CDH7: variants seen among roughly 807,000 people sequenced by gnomAD.
The protein encoded by CDH7 is cadherin-7.
CDH7 carries 25 observed loss-of-function variants against 71.8 expected under a neutral mutation model. The ratio of observed to expected loss-of-function variants is 0.35; its 90% confidence interval spans 0.25 to 0.49. The LOEUF (loss-of-function observed/expected upper bound fraction) is 0.49, where lower values mean the gene tolerates loss of function less well. Ranked by LOEUF, CDH7 falls within the 20% of genes least tolerant of loss-of-function variation. CDH7 has a pLI of 0.99. For missense variants in CDH7, 862 were observed against 974.6 expected, an observed-to-expected ratio of 0.88 and a Z score of 1.54; for synonymous variants, 381 against 363.8, an observed-to-expected ratio of 1.05 and a Z score of -0.54.
At chr18:65,810,081 G>T in intron 3 of CDH7, 83 bp downstream of exon 3, 1 of 751,906 alleles carries the variant, frequency 1.3e-6, no homozygotes, top group Non-Finnish European at 2.1e-6. Context: ...ATTAAGTACT[G>T]AAAAAAAAAA....
chr18:65,837,144 C>T (rs1912559131), intron 6 of CDH7, among the ~76,000 whole-genome samples: 1 of 152,088 alleles, frequency 6.6e-6, no homozygotes, highest in Non-Finnish European at 1.5e-5. Context: ...TCATGAGTCA[C>T]AAAAATTTCA....
At chr18:65,785,967 G>A (rs1349340733) in intron 2 of CDH7, among the ~76,000 whole-genome samples, 3 of 152,136 alleles carry the variant, frequency 2.0e-5, no homozygotes, top group African/African-American at 7.2e-5. Context: ...AATACATGTG[G>A]TGTTGATTGC....
chr18:65,817,764 A>G (rs1911772673), intron 4 of CDH7, among the ~76,000 whole-genome samples: 1 of 152,182 alleles, frequency 6.6e-6, no homozygotes, highest in South Asian at 2.1e-4. Flanking sequence ...CTGTAATAAA[A>G]GTGCCATACT....
chr18:65,773,572 G>A (rs746186236), intron 2 of CDH7, among the ~76,000 whole-genome samples: 2 of 152,040 alleles, frequency 1.3e-5, no homozygotes, highest in Non-Finnish European at 2.9e-5. Context: ...TACAGATGAT[G>A]CGACTTCAAG....
At chr18:65,793,661 T>G (rs1029917778) in intron 2 of CDH7, among the ~76,000 whole-genome samples, 1 of 152,122 alleles carries the variant, frequency 6.6e-6, no homozygotes, top group African/African-American at 2.4e-5. Context: ...AAGTATCCTA[T>G]CATTCAGTGT....
intron 2 of CDH7, among the ~76,000 whole-genome samples, chr18:65,774,255 T>C (rs1916633264): frequency 6.6e-6 from 1 of 151,940 alleles, no homozygotes; most frequent in Non-Finnish European, 1.5e-5. Flanking sequence ...AAAAATAGGA[T>C]TTGAGACTCA....
chr18:65,816,644 G>A (rs1911734192), intron 4 of CDH7, among the ~76,000 whole-genome samples: 2 of 152,024 alleles, frequency 1.3e-5, no homozygotes, highest in Admixed American at 1.3e-4. Flanking sequence ...AAATCTCAGA[G>A]CACAAATTTC....
Position 65,824,501 on chromosome 18 carries a change from CTTTTG to C in CDH7, c.794-138_794-134del, listed in dbSNP as rs2143942338. 6.5e-6 allele frequency: 3 copies of C among 464,482 alleles called. No homozygotes were observed. In the East Asian group the frequency reaches 1.0e-4, roughly 16 times the overall value. 28.8% of individuals were successfully genotyped at this position (464,482 alleles called of 1,614,324 possible). On this transcript the variant is annotated intron_variant, in intron 5 of 11. Coordinates refer to ENST00000397968, the MANE Select transcript of CDH7 (RefSeq NM_004361.5). ...CCTCTTAAGGCTCTATGAAACTCAT[CTTTTG>C]TTTTCCATTACCTTAGCATATATTT...
At chr18:65,751,502 G>T (rs2143762169) in intron 1 of CDH7, among the ~76,000 whole-genome samples, 1 of 152,254 alleles carries the variant, frequency 6.6e-6, no homozygotes, top group South Asian at 2.1e-4. Flanking sequence ...AGGACCACAA[G>T]CAGGCTCCTC....
chr18:65,805,640 A>G (rs1181759053), intron 2 of CDH7, among the ~76,000 whole-genome samples: 1 of 152,210 alleles, frequency 6.6e-6, no homozygotes, highest in Non-Finnish European at 1.5e-5. Context: ...GAACATAGCA[A>G]TAGATGCTTC....
At chr18:65,787,875 A>G (rs1220820828) in intron 2 of CDH7, among the ~76,000 whole-genome samples, 1 of 152,044 alleles carries the variant, frequency 6.6e-6, no homozygotes, top group Non-Finnish European at 1.5e-5. Flanking sequence ...TGAGTAATAT[A>G]TTTCCTGAAA....
At chr18:65,847,983 T>A (rs1459849298) in intron 7 of CDH7, among the ~76,000 whole-genome samples, 3 of 152,064 alleles carry the variant, frequency 2.0e-5, no homozygotes, top group Non-Finnish European at 4.4e-5. Context: ...GATTTTTTTT[T>A]TTAAAGAAAA....
chr18:65,784,003 G>A (rs1175840589), intron 2 of CDH7, among the ~76,000 whole-genome samples: 1 of 151,892 alleles, frequency 6.6e-6, no homozygotes, highest in African/African-American at 2.4e-5. Flanking sequence ...GCAGGCTGGA[G>A]TGCAATGGTG....
intron 2 of CDH7, among the ~76,000 whole-genome samples, chr18:65,769,852 C>T (rs1399977041): frequency 2.6e-5 from 4 of 152,096 alleles, no homozygotes; most frequent in Non-Finnish European, 4.4e-5. Flanking sequence ...CACTGTATCA[C>T]GTCAGAAGAT....
chr18:65,875,252 T>C (rs1914041122), intron 11 of CDH7, among the ~76,000 whole-genome samples: 1 of 152,124 alleles, frequency 6.6e-6, no homozygotes, highest in South Asian at 2.1e-4. Flanking sequence ...CATAATAGAA[T>C]ACATTCATTG....
intron 2 of CDH7, among the ~76,000 whole-genome samples, chr18:65,776,401 C>G (rs9960360): frequency 0.044 from 5,523 of 124,326 alleles, 145 homozygotes; most frequent in East Asian, 0.19. Flanking sequence ...CACACACACA[C>G]AGAGAGAGAG....
At chr18:65,789,202 G>C (rs1296794059) in intron 2 of CDH7, among the ~76,000 whole-genome samples, 7 of 152,126 alleles carry the variant, frequency 4.6e-5, no homozygotes, top group Non-Finnish European at 1.5e-5. Context: ...AAATCAGCCT[G>C]GGACATCAGG....
At chr18:65,863,070 C>T (rs1199873466) in intron 11 of CDH7, 153 bp downstream of exon 11, 6 of 805,650 alleles carry the variant, frequency 7.4e-6, no homozygotes, top group Non-Finnish European at 1.2e-5. Context: ...CGGGGTCTCA[C>T]TCTGTTGCCC....
chr18:65,796,662 C>T (rs1381163653), intron 2 of CDH7, among the ~76,000 whole-genome samples: 1 of 152,126 alleles, frequency 6.6e-6, no homozygotes, highest in East Asian at 1.9e-4. Context: ...CCGATGGCCC[C>T]AGGTTGTCCA....
Sources: allele counts gnomAD v4.1 joint callset (sites outside exome capture counted in the v4.1 genomes callset), GRCh38; gene constraint gnomAD v4.1.1; transcripts MANE v1.5; gene names NCBI Gene and HGNC (gene_info 2026-07-23, HGNC 2026-07-21).